The following USP13 variants were observed in gnomAD, a reference collection of about 807,000 sequenced individuals.
USP13 encodes ubiquitin specific peptidase 13.
In USP13, 68 loss-of-function variants were observed where a neutral mutation model predicts 107.8. The observed-to-expected ratio is 0.63, with a 90% CI of 0.52 to 0.77. USP13 has a LOEUF of 0.77. Among genes scored for constraint, USP13 ranks in the 30% least tolerant of loss-of-function variants. The pLI, the probability that USP13 is intolerant of heterozygous loss-of-function variation, is 0.00. For synonymous variants in USP13, 377 were observed against 389.5 expected (o/e 0.97, Z 0.38); for missense variants, 945 against 1,093.3 (o/e 0.86, Z 1.91).
chr3:179,773,806 G>A (rs1237833838), intron 19 of USP13, among the ~76,000 whole-genome samples: 1 of 152,128 alleles, frequency 6.6e-6, no homozygotes, highest in South Asian at 2.1e-4. Flanking sequence ...TATATTACCA[G>A]TTTATACCCC....
Position 179,708,936 on chromosome 3 carries a change from A to G in USP13, c.784A>G (p.Thr262Ala), listed in dbSNP as rs781255470. 1.1e-5 allele frequency: 17 copies of G among 1,614,052 alleles called. No individual in the cohort carries two copies. The Admixed American group carries it at 2.3e-4, about 22-fold the overall frequency. The change falls in exon 6 of 21, where the codon ACC (threonine) becomes GCC (alanine). Residue 262 changes from threonine (T) to alanine (A), a missense_variant. Physicochemically the swap from Thr to Ala is moderately conservative, Grantham distance 58. Coordinates refer to ENST00000263966, the MANE Select transcript of USP13 (RefSeq NM_003940.3). The stretch of plus-strand genomic sequence containing the variant: ...CTACCCACTAGCCGTGAAACTGGGA[A>G]CCATCACTCCTGACGGGGCAGGTGA... ...MGYPLAVKLG[T>A]ITPDGADVYS...
chr3:179,720,622 T>G (rs1713276807), intron 7 of USP13, among the ~76,000 whole-genome samples: 1 of 152,162 alleles, frequency 6.6e-6, no homozygotes, highest in African/African-American at 2.4e-5. Context: ...TCTCTTTGTC[T>G]CCTCTTTGTC....
rs184256934 is a variant in USP13, at chr3:179,734,203, A to G, written c.1254+3494A>G. On this transcript the variant is annotated intron_variant, in intron 10 of 20. Coordinates refer to ENST00000263966, the MANE Select transcript of USP13 (RefSeq NM_003940.3). The stretch of plus-strand genomic sequence containing the variant: ...GCTTAATAAACATTGTCATGCATAA[A>G]AAGGCAGCAGTATTTATTTGTGGTA... 5.1e-3 allele frequency among the ~76,000 whole-genome samples: 779 copies of G among 152,358 alleles called. 3 individuals carry two copies. Among genetic ancestry groups the G allele is most frequent in the Non-Finnish European group, 5.9e-3 (403 of 68,026 alleles).
rs1418036967 is a variant in USP13, at chr3:179,785,933, C to T, written c.*1792C>T. On this transcript the variant is annotated 3_prime_UTR_variant, in exon 21 of 21. Transcript: ENST00000263966. The stretch of plus-strand genomic sequence containing the variant: ...TTTGAGGATACAGTGAGATTGGTTA[C>T]AGTGAACCTTCAATGAGTAGAATGT... 2 of 152,280 alleles carry T rather than the reference C, an allele frequency of 1.3e-5. No individual in the cohort carries two copies. Among genetic ancestry groups the T allele is most frequent in the African/African-American group, 4.8e-5 (2 of 41,460 alleles). The allele number at this position is 152,280 out of a possible 1,614,324, so 9.4% of individuals were successfully genotyped here. A position where few individuals can be genotyped will look rare whatever the true frequency, so the allele number is the denominator to read the frequency against.
Position 179,678,217 on chromosome 3 carries a change from T to A in USP13, c.169-3661T>A, listed in dbSNP as rs1294026610. On this transcript the variant is annotated intron_variant, in intron 1 of 20. Coordinates refer to ENST00000263966, the MANE Select transcript of USP13 (RefSeq NM_003940.3). This position sits in a 1 kb window ranked among gnomAD's most constrained non-coding sequence, Gnocchi z 4.2. The stretch of plus-strand genomic sequence containing the variant: ...TTTATTAGAAGAGAATGGAACTTTT[T>A]AAAAAAATCACAATGGATTTAATGA... Among the ~76,000 whole-genome samples the A allele has an allele frequency of 3.9e-5, 6 of 152,150 alleles. No homozygotes were observed. The highest frequency in any genetic ancestry group is 6.5e-5 in the Admixed American group (1 of 15,268).
chr3:179,723,322 T>C (rs1429086253), intron 8 of USP13, among the ~76,000 whole-genome samples: 1 of 152,208 alleles, frequency 6.6e-6, no homozygotes, highest in East Asian at 1.9e-4. Flanking sequence ...ATCCAGCCAA[T>C]AGAGAGTGAG....
chr3:179,688,601 G>A (rs1711982942), intron 2 of USP13, among the ~76,000 whole-genome samples: 1 of 152,168 alleles, frequency 6.6e-6, no homozygotes, highest in Admixed American at 6.5e-5. Flanking sequence ...TTAGAAGGAG[G>A]TTCTACTTTT....
intron 1 of USP13, among the ~76,000 whole-genome samples, chr3:179,670,441 T>C (rs144876226): frequency 6.6e-6 from 1 of 152,248 alleles, no homozygotes; most frequent in Non-Finnish European, 1.5e-5. Context: ...CTCTCACGGC[T>C]TCTTTTCCAT....
rs1715872129 is a variant in USP13, at chr3:179,784,842, A to G, written c.*701A>G. 6.6e-6 allele frequency: 1 copy of G among 152,242 alleles called. No homozygotes were observed. Among genetic ancestry groups the G allele is most frequent in the South Asian group, 2.1e-4 (1 of 4,830 alleles). 9.4% of individuals were successfully genotyped at this position (152,242 alleles called of 1,614,324 possible). ...TTTAAAGTCTGAACAGTTGATATTAAGCATATCTGAAAAAAGCAAGTAAAT... is the reference window on the plus strand; with the variant it reads ...TTTAAAGTCTGAACAGTTGATATTAGGCATATCTGAAAAAAGCAAGTAAAT... On this transcript the variant is annotated 3_prime_UTR_variant, in exon 21 of 21. Coordinates refer to ENST00000263966, the MANE Select transcript of USP13 (RefSeq NM_003940.3).
chr3:179,680,966 A>G (rs924219703), intron 1 of USP13, among the ~76,000 whole-genome samples: 1 of 97,938 alleles, frequency 1.0e-5, no homozygotes, highest in African/African-American at 3.7e-5. Context: ...TCACCAATGA[A>G]TGAGGAAGAA....
At chr3:179,774,188 C>T (rs949182167) in intron 19 of USP13, among the ~76,000 whole-genome samples, 1 of 152,120 alleles carries the variant, frequency 6.6e-6, no homozygotes, top group African/African-American at 2.4e-5. Flanking sequence ...TAAACAACCT[C>T]TTCTCCCTTG....
chr3:179,743,843 G>A (rs1018262881), intron 12 of USP13, among the ~76,000 whole-genome samples: 2 of 151,704 alleles, frequency 1.3e-5, no homozygotes, highest in Admixed American at 6.6e-5. Flanking sequence ...ATTGGGGACA[G>A]GGGAATGAAT....
chr3:179,739,849 A>C (rs1405703303), intron 10 of USP13, among the ~76,000 whole-genome samples: 1 of 152,118 alleles, frequency 6.6e-6, no homozygotes, highest in African/African-American at 2.4e-5. Flanking sequence ...ATGAGCCAAC[A>C]CACCTGGCCT....
In USP13 at chr3:179,711,322, G is replaced by A. The variant is rs555643591; in HGVS notation, c.805+2365G>A. Among the ~76,000 whole-genome samples, 20 of 152,150 alleles carry A rather than the reference G, an allele frequency of 1.3e-4. No individual in the cohort carries two copies. In the South Asian group the frequency reaches 4.1e-3, roughly 32 times the overall value. On this transcript the variant is annotated intron_variant, in intron 6 of 20. Transcript: ENST00000263966. ...CAACCTCCACCTCCCAGATTCAAGT[G>A]ATTCTCCTGCCTCAGCCTCCTGAGT...
intron 19 of USP13, among the ~76,000 whole-genome samples, chr3:179,779,070 G>T (rs1715650362): frequency 6.6e-6 from 1 of 152,076 alleles, no homozygotes; most frequent in Non-Finnish European, 1.5e-5. Context: ...GCATGTTTGA[G>T]GAGGAGCCCG....
chr3:179,779,782 T>G (rs1180768354), intron 19 of USP13, among the ~76,000 whole-genome samples: 3 of 139,094 alleles, frequency 2.2e-5, no homozygotes, highest in African/African-American at 2.7e-5. Context: ...GCAGCTATGG[T>G]GAGAATAGTT....
At chr3:179,746,490 T>C (rs1187104219) in intron 13 of USP13, among the ~76,000 whole-genome samples, 2 of 151,970 alleles carry the variant, frequency 1.3e-5, no homozygotes, top group Non-Finnish European at 1.5e-5. Context: ...TGGAGTGCAG[T>C]GGCACAATCT....
intron 1 of USP13, among the ~76,000 whole-genome samples, chr3:179,680,937 A>G (rs13074010): frequency 0.29 from 42,909 of 147,962 alleles, 7,572 homozygotes; most frequent in East Asian, 0.43. Flanking sequence ...TGCTAAAAGG[A>G]CCTAAAACTT....
intron 3 of USP13, among the ~76,000 whole-genome samples, chr3:179,698,369 T>A (rs1319555509): frequency 6.6e-6 from 1 of 152,200 alleles, no homozygotes; most frequent in Non-Finnish European, 1.5e-5. Context: ...TAGGGTGCCT[T>A]AAAACTTTAT....
Sources: allele counts gnomAD v4.1 joint callset (sites outside exome capture counted in the v4.1 genomes callset), GRCh38; gene constraint gnomAD v4.1.1; non-coding constraint Gnocchi (gnomAD v3.1); transcripts MANE v1.5; gene names NCBI Gene and HGNC (gene_info 2026-07-23, HGNC 2026-07-21).